BCAT1: variants seen among roughly 807,000 people sequenced by gnomAD.
BCAT1 encodes the protein branched chain amino acid transaminase 1.
BCAT1 carries 48 observed loss-of-function variants against 52.4 expected under a neutral mutation model. The observed-to-expected ratio is 0.92, with a 90% CI of 0.73 to 1.16. The LOEUF (loss-of-function observed/expected upper bound fraction) is 1.16, where lower values mean the gene tolerates loss of function less well. Ranked by LOEUF, BCAT1 falls within the 50% of genes most tolerant of loss-of-function variation. The probability of loss-of-function intolerance (pLI) is 0.00; values close to 1 mark genes in which losing one functional copy is unlikely to be tolerated. For synonymous variants in BCAT1, 167 were observed against 161.3 expected, an observed-to-expected ratio of 1.04 and a Z score of -0.27; for missense variants, 451 against 457.1, an observed-to-expected ratio of 0.99 and a Z score of 0.12.
intron 1 of BCAT1, among the ~76,000 whole-genome samples, chr12:24,947,742 A>G (rs527956292): frequency 6.6e-6 from 1 of 152,374 alleles, no homozygotes; most frequent in East Asian, 1.9e-4. Flanking sequence ...CATGGACAGG[A>G]AAAAGCTGGA....
At chr12:24,837,111 G>C (rs370204932) in intron 7 of BCAT1, among the ~76,000 whole-genome samples, 18,335 of 93,454 alleles carry the variant, frequency 0.2, 3,319 homozygotes, top group Middle Eastern at 0.31. Context: ...AAGGAAGAAA[G>C]AGAAGGAAGG....
At chr12:24,894,161 T>G (rs535429365) in intron 3 of BCAT1, 114 bp downstream of exon 3, 32 of 1,001,654 alleles carry the variant, frequency 3.2e-5, no homozygotes, top group Non-Finnish European at 4.4e-5. Context: ...TTCGGCTTCC[T>G]CTGGTAAATA....
rs1399498152 is a variant in BCAT1, at chr12:24,949,088, G to T, written c.-156C>A. 7.3e-6 allele frequency: 5 copies of T among 689,220 alleles called. No homozygotes were observed. The highest frequency in any genetic ancestry group is 3.9e-4 in the Middle Eastern group (1 of 2,590). 42.7% of individuals were successfully genotyped at this position (689,220 alleles called of 1,614,324 possible). A position where few individuals can be genotyped will look rare whatever the true frequency, so the allele number is the denominator to read the frequency against. ...CCCGAGGCGGCGGCGAGTACACGTG[G>T]CGGGCTGGATTGCAGACCGGCCCTC... On this transcript the variant is annotated 5_prime_UTR_variant, in exon 1 of 11. Coordinates refer to ENST00000261192, the MANE Select transcript of BCAT1 (RefSeq NM_005504.7).
intron 5 of BCAT1, among the ~76,000 whole-genome samples, chr12:24,862,467 G>A (rs1941871772): frequency 6.6e-6 from 1 of 152,306 alleles, no homozygotes; most frequent in South Asian, 2.1e-4. Flanking sequence ...GTTCTGGCCA[G>A]TCTACAGAGG....
intron 3 of BCAT1, among the ~76,000 whole-genome samples, chr12:24,882,170 T>C (rs1221563052): frequency 6.6e-6 from 1 of 152,162 alleles, no homozygotes; most frequent in Non-Finnish European, 1.5e-5. Context: ...AGAGAACTCT[T>C]ACACAGACCA....
intron 2 of BCAT1, among the ~76,000 whole-genome samples, chr12:24,901,565 A>AT (rs1160850857): frequency 1.3e-5 from 2 of 152,064 alleles, no homozygotes; most frequent in Non-Finnish European, 2.9e-5. Context: ...CGCATTGACT[A>AT]TTTTTCAAGA....
chr12:24,901,958 C>T, intron 1 of BCAT1, 73 bp from the exon 2 acceptor site: 2 of 1,611,792 alleles, frequency 1.2e-6, no homozygotes, highest in Non-Finnish European at 1.7e-6. Context: ...CTACGTGACG[C>T]TCACCATGAT....
chr12:24,828,316 T>A (rs1330104581), intron 10 of BCAT1, among the ~76,000 whole-genome samples: 1 of 152,222 alleles, frequency 6.6e-6, no homozygotes, highest in Non-Finnish European at 1.5e-5. Context: ...CTTTTCTGAG[T>A]AGCCCAGTGT....
intron 7 of BCAT1, 108 bp downstream of exon 7, chr12:24,841,974 C>T: frequency 2.3e-6 from 3 of 1,282,842 alleles, no homozygotes; most frequent in Non-Finnish European, 3.2e-6. Flanking sequence ...CTTACTTAGC[C>T]TTTGGAACTG....
chr12:24,902,542 G>A (rs1344245576), intron 1 of BCAT1: 2 of 506,150 alleles, frequency 4.0e-6, no homozygotes, highest in Non-Finnish European at 5.6e-6. Context: ...GATCCAAGGA[G>A]GCAGAAGGCT....
chr12:24,842,055 G>C, intron 7 of BCAT1, 27 bp downstream of exon 7: 1 of 1,608,694 alleles, frequency 6.2e-7, no homozygotes, highest in Non-Finnish European at 8.5e-7. Flanking sequence ...ACTGAGAAAT[G>C]CACACAGTGA....
In BCAT1 at chr12:24,894,372, T is replaced by G. The variant is rs201619436; in HGVS notation, c.182A>C (p.Glu61Ala). The G allele has an allele frequency of 2.3e-4, 365 of 1,613,898 alleles. 8 individuals carry two copies. In the East Asian group the frequency reaches 8.0e-3, roughly 36 times the overall value. The change falls in exon 3 of 11, where the codon GAG (glutamate) becomes GCG (alanine). Residue 61 changes from glutamate to alanine, a missense_variant. Coordinates refer to ENST00000261192, the MANE Select transcript of BCAT1 (RefSeq NM_005504.7). ...CTCCCATCCAAACTCTGAGGACCAC[T>G]CCACCGTCAGCATATGATCCGTGAA... ...TVFTDHMLTV[E>A]WSSEFGWEKP... is the part of the protein sequence containing the mutation.
chr12:24,940,195 CAAGTT>C (rs1343625126), intron 1 of BCAT1, among the ~76,000 whole-genome samples: 3 of 152,198 alleles, frequency 2.0e-5, no homozygotes, highest in Non-Finnish European at 4.4e-5. Flanking sequence ...CACATGTGTA[CAAGTT>C]AATATAAGGC....
chr12:24,905,343 C>T (rs1182087546), intron 1 of BCAT1, among the ~76,000 whole-genome samples: 1 of 152,190 alleles, frequency 6.6e-6, no homozygotes, highest in Non-Finnish European at 1.5e-5. Context: ...GTTTATAGGT[C>T]AGAAATATTG....
At chr12:24,872,033 AT>A (rs1942196349) in intron 5 of BCAT1, among the ~76,000 whole-genome samples, 1 of 152,228 alleles carries the variant, frequency 6.6e-6, no homozygotes. Flanking sequence ...CAAATTAATG[AT>A]TTATAAATTG....
intron 3 of BCAT1, among the ~76,000 whole-genome samples, chr12:24,888,947 A>G (rs962903386): frequency 1.3e-5 from 2 of 152,204 alleles, no homozygotes; most frequent in African/African-American, 4.8e-5. Context: ...AGCAGACAAG[A>G]TAGCTCCAAT....
chr12:24,897,774 G>C (rs560667296), intron 2 of BCAT1, among the ~76,000 whole-genome samples: 1 of 152,038 alleles, frequency 6.6e-6, no homozygotes, highest in Non-Finnish European at 1.5e-5. Context: ...GGCTGGTCTC[G>C]AACTCCTGAC....
intron 5 of BCAT1, among the ~76,000 whole-genome samples, chr12:24,872,615 G>C (rs1007187580): frequency 6.6e-6 from 1 of 152,162 alleles, no homozygotes; most frequent in Non-Finnish European, 1.5e-5. Context: ...TACTGAAAAA[G>C]AGGAATTAAT....
At chr12:24,939,386 C>T (rs924088738) in intron 1 of BCAT1, among the ~76,000 whole-genome samples, 2 of 152,122 alleles carry the variant, frequency 1.3e-5, no homozygotes, top group African/African-American at 4.8e-5. Flanking sequence ...TTTAGACACT[C>T]TTCATATAAT....
Sources: allele counts gnomAD v4.1 joint callset (sites outside exome capture counted in the v4.1 genomes callset), GRCh38; gene constraint gnomAD v4.1.1; transcripts MANE v1.5; gene names NCBI Gene and HGNC (gene_info 2026-07-23, HGNC 2026-07-21).